HAO2: variants seen among roughly 807,000 people sequenced by gnomAD.
The protein encoded by HAO2 is 2-Hydroxyacid oxidase 2.
Under a neutral mutation model 37.4 loss-of-function variants are expected in HAO2, and 42 were observed. The observed-to-expected ratio is 1.12, with a 90% CI of 0.88 to 1.45. HAO2 has a LOEUF of 1.45. Ranked by LOEUF, HAO2 falls within the 40% of genes most tolerant of loss-of-function variation. The probability of loss-of-function intolerance (pLI) is 0.00; values close to 1 mark genes in which losing one functional copy is unlikely to be tolerated. For missense variants in HAO2, 476 were observed against 430.2 expected, an observed-to-expected ratio of 1.11 and a Z score of -0.94; for synonymous variants, 180 against 162.8, an observed-to-expected ratio of 1.11 and a Z score of -0.81.
chr1:119,378,108 A>G (rs1649627430), intron 1 of HAO2, among the ~76,000 whole-genome samples: 1 of 152,196 alleles, frequency 6.6e-6, no homozygotes, highest in Non-Finnish European at 1.5e-5. Flanking sequence ...ATAGCAAGCA[A>G]TTTATGAGAA....
chr1:119,384,582 G>T (rs1453558573), intron 3 of HAO2, among the ~76,000 whole-genome samples, 194 bp from the exon 4 acceptor site: 2 of 152,164 alleles, frequency 1.3e-5, no homozygotes, highest in Non-Finnish European at 2.9e-5. Flanking sequence ...ATACAGAGGA[G>T]AACCCAAAAA....
At chr1:119,392,311 T>C (rs1650976789) in intron 6 of HAO2, 43 bp downstream of exon 6, 1 of 1,482,836 alleles carries the variant, frequency 6.7e-7, no homozygotes. Context: ...ACAGAGCTTC[T>C]CATTCATTTC....
At chr1:119,383,136 C>T (rs1477471242) in intron 3 of HAO2, 70 bp downstream of exon 3, 4 of 1,148,346 alleles carry the variant, frequency 3.5e-6, no homozygotes, top group South Asian at 1.4e-5. Flanking sequence ...GCAGAGGCTC[C>T]AAGATTCTCT....
intron 1 of HAO2, among the ~76,000 whole-genome samples, chr1:119,377,381 A>G (rs372453374): frequency 6.6e-6 from 1 of 152,140 alleles, no homozygotes. Context: ...CCTGGACTTC[A>G]TTGTCCATAT....
chr1:119,394,065 G>T lies in HAO2; in HGVS notation c.*225G>T, dbSNP rs1279102450. 1.5e-4 allele frequency: 204 copies of T among 1,333,390 alleles called. No homozygotes were observed. Among genetic ancestry groups the T allele is most frequent in the Non-Finnish European group, 2.0e-4 (202 of 1,034,400 alleles). 82.6% of individuals were successfully genotyped at this position (1,333,390 alleles called of 1,614,324 possible). A position where few individuals can be genotyped will look rare whatever the true frequency, so the allele number is the denominator to read the frequency against. ...TTTGTATCACTGACTATTATATGTT[G>T]CTCTCTTGCCTAAATCTTCCTCTGA... is the stretch of plus-strand genomic sequence containing the variant. On this transcript the variant is annotated 3_prime_UTR_variant, in exon 8 of 8. Coordinates refer to ENST00000325945, the MANE Select transcript of HAO2 (RefSeq NM_016527.4).
chr1:119,375,558 A>G (rs587609139), intron 1 of HAO2, among the ~76,000 whole-genome samples: 2 of 152,220 alleles, frequency 1.3e-5, no homozygotes, highest in Non-Finnish European at 2.9e-5. Context: ...TATCTTTAGA[A>G]GCTACCAGGA....
chr1:119,373,352 A>C (rs1236198942), intron 1 of HAO2, among the ~76,000 whole-genome samples: 5 of 152,228 alleles, frequency 3.3e-5, no homozygotes, highest in Admixed American at 3.3e-4. Context: ...TTATATTGCC[A>C]GGCTATCCAG....
rs1236073255 is a variant in HAO2 at position 119,392,246 on chromosome 1, T to G, written c.908T>G (p.Ile303Ser). ...GAKCIFLGRP[I>S]LWGLACKGEH... ...AAGTGCATTTTTCTTGGGAGACCAA[T>G]CCTATGGGGCCTTGCCTGCAAGGTG... is the stretch of plus-strand genomic sequence containing the variant. The change falls in exon 6 of 8, where the codon ATC (isoleucine) becomes AGC (serine). Residue 303 changes from isoleucine (I) to serine (S), a missense_variant. Coordinates refer to ENST00000325945, the MANE Select transcript of HAO2 (RefSeq NM_016527.4). 1 of 1,612,924 alleles carries G rather than the reference T, an allele frequency of 6.2e-7. No individual in the cohort carries two copies.
intron 1 of HAO2, among the ~76,000 whole-genome samples, chr1:119,377,565 G>C (rs977100761): frequency 1.3e-5 from 2 of 152,086 alleles, no homozygotes; most frequent in Admixed American, 6.6e-5. Context: ...CCCACTACCA[G>C]GTACCAATTT....
chr1:119,391,200 G>T (rs142291104), intron 5 of HAO2, among the ~76,000 whole-genome samples: 1 of 152,052 alleles, frequency 6.6e-6, no homozygotes, highest in South Asian at 2.1e-4. Context: ...GATTCCTTTG[G>T]CAGCAGAAGG....
At chr1:119,388,646 C>T (rs1175257611) in intron 5 of HAO2, among the ~76,000 whole-genome samples, 2 of 152,198 alleles carry the variant, frequency 1.3e-5, no homozygotes, top group African/African-American at 4.8e-5. Flanking sequence ...ATAACCCTGC[C>T]TCACTTGCCT....
chr1:119,391,607 C>A (rs1371661372), intron 5 of HAO2, among the ~76,000 whole-genome samples: 5 of 152,172 alleles, frequency 3.3e-5, no homozygotes, highest in African/African-American at 1.2e-4. Flanking sequence ...TCAAGTGGTG[C>A]ATGAGAAATA....
intron 1 of HAO2, among the ~76,000 whole-genome samples, chr1:119,373,105 T>C (rs970400902): frequency 4.6e-5 from 7 of 152,330 alleles, no homozygotes; most frequent in African/African-American, 1.7e-4. Flanking sequence ...CTATCTCTCT[T>C]GAAGCAGCCT....
At position 119,392,632 on chromosome 1, in the gene HAO2, T is replaced by C. The variant is rs1164672887; in HGVS notation, c.945T>C (p.Val315=). 6.2e-7 allele frequency: 1 copy of C among 1,608,362 alleles called. No individual in the cohort carries two copies. The highest frequency in any genetic ancestry group is 8.5e-7 in the Non-Finnish European group (1 of 1,174,958). The change falls in exon 7 of 8, where the codon GTT becomes GTC. Residue 315 remains valine (V), a synonymous_variant. Transcript: ENST00000325945. ...CTCGGGAGCAGGGTGAACATGGTGT[T>C]AAGGAAGTTTTGAACATTTTAACAA... ...WGLACKGEHG[V]KEVLNILTNE...
rs1279433411 is a variant in HAO2 at position 119,385,022 on chromosome 1, T to G, written c.530T>G (p.Leu177Ter). The change falls in exon 4 of 8, where the codon TTA (leucine) becomes TGA (stop). Residue 177 changes from leucine to a stop codon, truncating the protein, a stop_gained. Transcript: ENST00000325945. LOFTEE classifies it high-confidence loss of function. ...HDIRNQLRRN[L>*]TLTDLQSPKK... ...ATTCGAAACCAGTTGAGGAGGAACT[T>G]AACACTAACAGATCTTCAATCACCT... is the stretch of plus-strand genomic sequence containing the variant. 1.2e-6 allele frequency: 2 copies of G among 1,613,114 alleles called. No individual in the cohort carries two copies. The highest frequency in any genetic ancestry group is 1.3e-5 in the African/African-American group (1 of 74,896).
At chr1:119,370,875 A>G (rs1486404654) in intron 1 of HAO2, among the ~76,000 whole-genome samples, 1 of 152,192 alleles carries the variant, frequency 6.6e-6, no homozygotes, top group Non-Finnish European at 1.5e-5. Context: ...CTCTCCTGCT[A>G]CAACCCAGTG....
chr1:119,379,774 T>A (rs1649772412), intron 1 of HAO2, among the ~76,000 whole-genome samples: 1 of 152,118 alleles, frequency 6.6e-6, no homozygotes, highest in Non-Finnish European at 1.5e-5. Context: ...AATTTCTTCC[T>A]GCTTGGCCCT....
At chr1:119,376,898 C>T (rs1055913057) in intron 1 of HAO2, among the ~76,000 whole-genome samples, 3 of 152,194 alleles carry the variant, frequency 2.0e-5, no homozygotes, top group Admixed American at 1.3e-4. Context: ...GCCTACAGTC[C>T]TATGATGGGA....
At chr1:119,389,259 C>T (rs752801228) in intron 5 of HAO2, among the ~76,000 whole-genome samples, 2 of 143,514 alleles carry the variant, frequency 1.4e-5, no homozygotes, top group Non-Finnish European at 3.0e-5. Flanking sequence ...TATAAACATG[C>T]GTGCAAGTAT....
Sources: allele counts gnomAD v4.1 joint callset (sites outside exome capture counted in the v4.1 genomes callset), GRCh38; gene constraint gnomAD v4.1.1; transcripts MANE v1.5; gene names NCBI Gene and HGNC (gene_info 2026-07-23, HGNC 2026-07-21).